Variants in CNGB3 observed in about 807,000 individuals in gnomAD.
CNGB3 encodes cyclic nucleotide-gated channel beta-3.
In CNGB3, 86 loss-of-function variants were observed where a neutral mutation model predicts 92.8. The observed-to-expected ratio is 0.93, with a 90% CI of 0.78 to 1.11. The LOEUF is 1.11. Among genes scored for constraint, CNGB3 ranks in the 50% least tolerant of loss-of-function variants. CNGB3 has a pLI of 0.00. For missense variants in CNGB3, 1,026 were observed against 956.8 expected, an observed-to-expected ratio of 1.07 and a Z score of -0.95; for synonymous variants, 333 against 332.7, an observed-to-expected ratio of 1.00 and a Z score of -0.01.
At chr8:86,718,639 A>G (rs1824909453) in intron 3 of CNGB3, among the ~76,000 whole-genome samples, 1 of 152,288 alleles carries the variant, frequency 6.6e-6, no homozygotes, top group Non-Finnish European at 1.5e-5. Context: ...CAGGACAGAG[A>G]TAAAGGGAAT....
intron 3 of CNGB3, among the ~76,000 whole-genome samples, chr8:86,694,102 C>CT (rs1824383062): frequency 1.0e-5 from 1 of 97,758 alleles, no homozygotes. Context: ...CCCTCCCAGA[C>CT]GGGGCGGCTG....
chr8:86,603,848 A>G (rs1441956116), intron 15 of CNGB3, among the ~76,000 whole-genome samples: 1 of 152,190 alleles, frequency 6.6e-6, no homozygotes, highest in Non-Finnish European at 1.5e-5. Flanking sequence ...TTCAACATAT[A>G]CTGGGAACCT....
intron 11 of CNGB3, among the ~76,000 whole-genome samples, chr8:86,629,599 T>C (rs979118229): frequency 1.3e-5 from 2 of 152,202 alleles, no homozygotes; most frequent in African/African-American, 4.8e-5. Context: ...CTATATAGAC[T>C]CAATTCATCA....
intron 2 of CNGB3, among the ~76,000 whole-genome samples, chr8:86,731,695 A>G (rs1350775271): frequency 6.6e-6 from 1 of 152,182 alleles, no homozygotes; most frequent in Non-Finnish European, 1.5e-5. Context: ...GTGACTCTGG[A>G]TAAGTCTCTT....
chr8:86,587,819 G>A (rs1416523645), intron 15 of CNGB3, among the ~76,000 whole-genome samples: 11 of 151,534 alleles, frequency 7.3e-5, no homozygotes, highest in Admixed American at 3.3e-4. Context: ...TTGGCGATGC[G>A]GGCTCTTTTT....
chr8:86,687,542 T>C (rs944866206), intron 3 of CNGB3, among the ~76,000 whole-genome samples: 3 of 152,110 alleles, frequency 2.0e-5, no homozygotes, highest in Non-Finnish European at 4.4e-5. Context: ...GAGCAGAGAA[T>C]AGGGAGAAAC....
chr8:86,735,013 C>T (rs192291004), intron 2 of CNGB3, among the ~76,000 whole-genome samples: 79 of 130,032 alleles, frequency 6.1e-4, no homozygotes, highest in African/African-American at 2.2e-3. Flanking sequence ...GATTTGAATT[C>T]GGGCATGTCA....
intron 10 of CNGB3, among the ~76,000 whole-genome samples, chr8:86,636,496 C>T (rs1311126925): frequency 1.4e-5 from 2 of 142,326 alleles, no homozygotes; most frequent in Non-Finnish European, 3.0e-5. Flanking sequence ...TCGCTTGAAC[C>T]CGGGAGGCGG....
At chr8:86,652,873 A>G (rs1028762778) in intron 7 of CNGB3, among the ~76,000 whole-genome samples, 1 of 152,156 alleles carries the variant, frequency 6.6e-6, no homozygotes, top group Non-Finnish European at 1.5e-5. Context: ...CAGGATAGTA[A>G]ATACATAAGC....
intron 3 of CNGB3, among the ~76,000 whole-genome samples, chr8:86,693,459 ATT>A (rs1327565928): frequency 1.4e-5 from 2 of 145,958 alleles, no homozygotes; most frequent in Admixed American, 6.8e-5. Flanking sequence ...TTATTTATTT[ATT>A]TTTATTGATT....
intron 3 of CNGB3, among the ~76,000 whole-genome samples, chr8:86,674,941 T>TTTG (rs79993104): frequency 0.022 from 3,285 of 149,322 alleles, 109 homozygotes; most frequent in African/African-American, 0.068. Context: ...TTTCTCTCTT[T>TTTG]TTGTTGTTGT....
In CNGB3 at chr8:86,611,611, G is replaced by A. The variant is rs1487562201; in HGVS notation, c.1639C>T (p.Pro547Ser). ...LLRLKSVLYL[P>S]GDFVCKKGEI... ...ACCTTTTTGCAGACAAAGTCACCAG[G>A]CAAATAGAGAACGGATTTCAATCTT... is the stretch of plus-strand genomic sequence containing the variant. Residue 547 changes from proline (P) to serine (S), a missense_variant, in exon 14 of 18, where the codon CCT becomes TCT. Coordinates refer to ENST00000320005, the MANE Select transcript of CNGB3 (RefSeq NM_019098.5). 17 of 1,612,998 alleles carry A rather than the reference G, an allele frequency of 1.1e-5. No individual in the cohort carries two copies. Among genetic ancestry groups the A allele is most frequent in the Non-Finnish European group, 1.4e-5 (16 of 1,179,308 alleles).
chr8:86,579,173 T>C lies in CNGB3; in HGVS notation c.1861A>G (p.Lys621Glu), dbSNP rs761889451. The change falls in exon 16 of 18, where the codon AAA becomes GAA. Residue 621 changes from lysine to glutamate, a missense_variant. Transcript: ENST00000320005. ...HGFANLLTLD[K>E]KTLQEILVHY... ...ACTAGAATTTCTTGGAGGGTCTTTT[T>C]GTCTAGAGTTAAAAGATTGGCAAAC... The C allele has an allele frequency of 6.2e-7, 1 of 1,614,198 alleles. No homozygotes were observed. The highest frequency in any genetic ancestry group is 1.1e-5 in the South Asian group (1 of 91,078).
chr8:86,604,240 T>C (rs1314876852), intron 14 of CNGB3, 29 bp from the exon 15 acceptor site: 8 of 1,353,084 alleles, frequency 5.9e-6, no homozygotes, highest in African/African-American at 1.4e-5. Flanking sequence ...GAGGAAATGG[T>C]AGTTACTTTA....
At chr8:86,603,941 G>C in intron 15 of CNGB3, 152 bp downstream of exon 15, 1 of 630,482 alleles carries the variant, frequency 1.6e-6, no homozygotes, top group Non-Finnish European at 2.8e-6. Context: ...TTGGTGAAGG[G>C]ATGAATAAAA....
chr8:86,586,634 A>G (rs891735300), intron 15 of CNGB3, among the ~76,000 whole-genome samples: 1 of 151,164 alleles, frequency 6.6e-6, no homozygotes, highest in African/African-American at 2.5e-5. Context: ...ATTATTTCCA[A>G]TTTCATCCAT....
At chr8:86,619,751 T>C (rs1253688271) in intron 13 of CNGB3, among the ~76,000 whole-genome samples, 1 of 121,216 alleles carries the variant, frequency 8.2e-6, no homozygotes, top group African/African-American at 2.7e-5. Context: ...TTTTTTTTTT[T>C]GCGACAGGGT....
rs918452891 is a variant in CNGB3 at position 86,673,948 on chromosome 8, A to G, written c.339-2850T>C. Among the ~76,000 whole-genome samples, 3 of 152,212 alleles carry G rather than the reference A, an allele frequency of 2.0e-5. No individual in the cohort carries two copies. In the East Asian group the frequency reaches 5.8e-4, roughly 29 times the overall value. The stretch of plus-strand genomic sequence containing the variant: ...GGAATATTTGAAGTGATTTATGTGT[A>G]TAACACCATCATAGACTGTAAGATT... On this transcript the variant is annotated intron_variant, in intron 3 of 17. Coordinates refer to ENST00000320005, the MANE Select transcript of CNGB3 (RefSeq NM_019098.5).
intron 6 of CNGB3, chr8:86,661,854 ACT>A: frequency 3.9e-6 from 5 of 1,287,526 alleles, no homozygotes; most frequent in African/African-American, 1.5e-5. Context: ...ACGTTCCAGA[ACT>A]GATGTCAGAT....
Sources: gnomAD v4.1 joint callset for allele counts (sites outside exome capture counted in the v4.1 genomes callset) on GRCh38, gnomAD v4.1.1 for gene constraint, MANE v1.5 for transcripts, NCBI Gene and HGNC (gene_info 2026-07-23, HGNC 2026-07-21) for gene names.